The following TCF12 variants were observed in gnomAD, a reference collection of about 807,000 sequenced individuals.
The protein encoded by TCF12 is transcription factor 12.
A neutral mutation model predicts 86.0 loss-of-function variants in TCF12; 45 were observed. The ratio of observed to expected loss-of-function variants is 0.52; its 90% CI spans 0.41 to 0.67. The LOEUF (loss-of-function observed/expected upper bound fraction) is 0.67. Among genes scored for constraint, TCF12 ranks in the 30% least tolerant of loss-of-function variants. The probability of loss-of-function intolerance (pLI) is 0.00; values close to 1 mark genes in which losing one functional copy is unlikely to be tolerated. For missense variants in TCF12, 881 were observed against 859.9 expected (o/e 1.02, Z -0.31); for synonymous variants, 330 against 299.6 (o/e 1.10, Z -1.05).
intron 4 of TCF12, among the ~76,000 whole-genome samples, chr15:57,088,690 G>A (rs1268602678): frequency 6.6e-6 from 1 of 151,924 alleles, no homozygotes; most frequent in Non-Finnish European, 1.5e-5. Flanking sequence ...TAGTTGATAA[G>A]CCAGCAGCAT....
Position 57,189,096 on chromosome 15 carries a change from A to G in TCF12, c.391-3062A>G, listed in dbSNP as rs551741169. Among the ~76,000 whole-genome samples, 61 of 152,290 alleles carry G rather than the reference A, an allele frequency of 4.0e-4. 1 individual carries two copies. In the South Asian group the frequency reaches 6.6e-3, roughly 17 times the overall value. ...GAGCTGCCACGCCTAGCCTACAGTA[A>G]TGAACTCAAAATGGATCAAGGACCT... On this transcript the variant is annotated intron_variant, in intron 6 of 20. Transcript: ENST00000333725.
chr15:56,959,928 T>A (rs2061669393), intron 3 of TCF12, among the ~76,000 whole-genome samples: 1 of 152,162 alleles, frequency 6.6e-6, no homozygotes, highest in Admixed American at 6.5e-5. Flanking sequence ...TGTTCCAATT[T>A]TTTGACAACT....
intron 5 of TCF12, among the ~76,000 whole-genome samples, chr15:57,116,460 C>T (rs1156953280): frequency 6.6e-6 from 1 of 152,120 alleles, no homozygotes; most frequent in Non-Finnish European, 1.5e-5. Flanking sequence ...ATGCTCCCAC[C>T]TCAGTCTCCT....
chr15:56,918,157 T>C (rs1479745580), upstream of TCF12: 7 of 455,226 alleles, frequency 1.5e-5, no homozygotes, highest in Non-Finnish European at 3.1e-5. Context: ...GCAGCCCTCC[T>C]GGACGGGAGC....
chr15:56,944,826 T>A (rs778199587), intron 3 of TCF12, among the ~76,000 whole-genome samples: 2 of 152,106 alleles, frequency 1.3e-5, no homozygotes, highest in African/African-American at 2.4e-5. Flanking sequence ...AGTATAAGTG[T>A]TTGGAGGAAG....
At chr15:57,247,421 G>A (rs2059915205) in intron 13 of TCF12, 3 of 690,792 alleles carry the variant, frequency 4.3e-6, no homozygotes, top group Non-Finnish European at 8.0e-6. Context: ...CTGTCATCCA[G>A]CAGACTACAT....
chr15:56,982,023 G>A (rs1381310575), intron 3 of TCF12, among the ~76,000 whole-genome samples: 1 of 152,184 alleles, frequency 6.6e-6, no homozygotes, highest in Non-Finnish European at 1.5e-5. Context: ...ACACATGTGA[G>A]TGGACCCATG....
At chr15:57,141,316 A>G (rs2052945096) in intron 5 of TCF12, among the ~76,000 whole-genome samples, 1 of 152,220 alleles carries the variant, frequency 6.6e-6, no homozygotes. Flanking sequence ...TGAAAGTGGT[A>G]AAAGCAGGCA....
chr15:57,236,846 GAAAA>G (rs532267942), intron 12 of TCF12, among the ~76,000 whole-genome samples: 2 of 135,230 alleles, frequency 1.5e-5, no homozygotes, highest in Non-Finnish European at 3.2e-5. Context: ...TAAAAAAAAA[GAAAA>G]AAAAAAAACC....
chr15:56,941,657 G>A (rs1209358489), intron 3 of TCF12, among the ~76,000 whole-genome samples: 1 of 151,114 alleles, frequency 6.6e-6, no homozygotes, highest in African/African-American at 2.4e-5. Flanking sequence ...TTACAGGCGT[G>A]AGTCACGTGC....
At chr15:56,924,499 T>TCAC (rs1182499563) in intron 3 of TCF12, among the ~76,000 whole-genome samples, 1 of 152,170 alleles carries the variant, frequency 6.6e-6, no homozygotes, top group African/African-American at 2.4e-5. Flanking sequence ...GTGATAGAAA[T>TCAC]AGGAATGGTG....
intron 19 of TCF12, among the ~76,000 whole-genome samples, chr15:57,276,787 T>C (rs1355269664): frequency 7.0e-6 from 1 of 143,792 alleles, no homozygotes; most frequent in Non-Finnish European, 1.5e-5. Context: ...CTAGAATTCT[T>C]TTTTTTTTCT....
chr15:56,945,513 T>C (rs2060956062), intron 3 of TCF12, among the ~76,000 whole-genome samples: 1 of 152,166 alleles, frequency 6.6e-6, no homozygotes, highest in Non-Finnish European at 1.5e-5. Flanking sequence ...ATATTTTTGC[T>C]AGATATAGAA....
At chr15:57,155,353 C>T (rs926020836) in intron 5 of TCF12, among the ~76,000 whole-genome samples, 18 of 152,158 alleles carry the variant, frequency 1.2e-4, no homozygotes, top group African/African-American at 4.3e-4. Context: ...CACAAATCAA[C>T]TTTGGATTAT....
chr15:57,201,861 A>G (rs188359590), intron 8 of TCF12, among the ~76,000 whole-genome samples: 12 of 152,178 alleles, frequency 7.9e-5, no homozygotes, highest in Admixed American at 5.9e-4. Flanking sequence ...TTTTTCATCT[A>G]TATGAGATCT....
At chr15:57,086,705 T>TAAA (rs34069853) in intron 4 of TCF12, among the ~76,000 whole-genome samples, 33 of 105,584 alleles carry the variant, frequency 3.1e-4, no homozygotes, top group African/African-American at 9.8e-4. Context: ...TCCCTCCCTT[T>TAAA]AAAAAAAAAA....
intron 5 of TCF12, among the ~76,000 whole-genome samples, chr15:57,097,370 A>T (rs1166912523): frequency 6.6e-6 from 1 of 151,956 alleles, no homozygotes. Context: ...TCTACAAAAA[A>T]TAAAAAAAAT....
chr15:57,242,115 T>C (rs1255580911), intron 12 of TCF12, among the ~76,000 whole-genome samples: 2 of 152,200 alleles, frequency 1.3e-5, no homozygotes, highest in African/African-American at 4.8e-5. Flanking sequence ...TTAAAAACAA[T>C]GTTGAAATTC....
At chr15:57,122,532 C>T (rs1209483704) in intron 5 of TCF12, among the ~76,000 whole-genome samples, 8 of 152,184 alleles carry the variant, frequency 5.3e-5, no homozygotes, top group African/African-American at 1.9e-4. Flanking sequence ...AACTAACAAA[C>T]TTGCTGCAGC....
Sources: allele counts gnomAD v4.1 joint callset (sites outside exome capture counted in the v4.1 genomes callset), GRCh38; gene constraint gnomAD v4.1.1; transcripts MANE v1.5; gene names NCBI Gene and HGNC (gene_info 2026-07-23, HGNC 2026-07-21).